Variants in IPP observed in about 807,000 individuals in gnomAD.
IPP encodes the protein actin-binding protein IPP.
Under a neutral mutation model 64.1 loss-of-function variants are expected in IPP, and 41 were observed. The ratio of observed to expected loss-of-function variants is 0.64; its 90% CI spans 0.50 to 0.83. The LOEUF is 0.83. Among genes scored for constraint, IPP ranks in the 40% least tolerant of loss-of-function variants. The probability of loss-of-function intolerance (pLI) is 0.00; values close to 1 mark genes in which losing one functional copy is unlikely to be tolerated. For synonymous variants in IPP, 214 were observed against 235.2 expected, an observed-to-expected ratio of 0.91 and a Z score of 0.83; for missense variants, 649 against 703.0, an observed-to-expected ratio of 0.92 and a Z score of 0.87.
At chr1:45,723,882 T>C (rs28378621) in intron 5 of IPP, among the ~76,000 whole-genome samples, 80,059 of 150,964 alleles carry the variant, frequency 0.53, 21,357 homozygotes, top group Middle Eastern at 0.6. Flanking sequence ...TATATACAGT[T>C]TGGGTGCCAT....
At position 45,741,011 on chromosome 1, in the gene IPP, A is replaced by G. The variant is rs1646056486; in HGVS notation, c.614T>C (p.Met205Thr). ...EDEYQVFLAA[M>T]QWILKDLGKR... ...TCCCAAATCTTTCAGAATCCATTGC[A>G]TTGCAGCTAAGAAGACCTGGTATTC... Residue 205 changes from methionine (M) to threonine (T), a missense_variant, in exon 3 of 9, where the codon ATG becomes ACG. Coordinates refer to ENST00000396478, the MANE Select transcript of IPP (RefSeq NM_005897.3). 6.2e-6 allele frequency: 10 copies of G among 1,613,992 alleles called. No homozygotes were observed. The highest frequency in any genetic ancestry group is 1.7e-4 in the Middle Eastern group (1 of 6,060).
chr1:45,727,147 T>G (rs1645840079), intron 5 of IPP, among the ~76,000 whole-genome samples: 2 of 152,112 alleles, frequency 1.3e-5, no homozygotes, highest in Non-Finnish European at 1.5e-5. Flanking sequence ...CCTCCTGGGC[T>G]CAAGCAATCT....
chr1:45,748,665 G>A (rs1019889900), intron 1 of IPP, among the ~76,000 whole-genome samples: 4 of 151,928 alleles, frequency 2.6e-5, no homozygotes, highest in Admixed American at 2.0e-4. Context: ...GAGCAAGACC[G>A]TGTCTCAACA....
downstream of IPP, among the ~76,000 whole-genome samples, chr1:45,695,321 T>C (rs1645377668): frequency 6.6e-6 from 1 of 152,138 alleles, no homozygotes; most frequent in Non-Finnish European, 1.5e-5. Flanking sequence ...TGCACCACTA[T>C]GCCAAGCTAA....
At chr1:45,713,774 G>A (rs1228423038) in intron 8 of IPP, among the ~76,000 whole-genome samples, 11 of 152,090 alleles carry the variant, frequency 7.2e-5, no homozygotes, top group Non-Finnish European at 1.6e-4. Context: ...GTTCACGCTG[G>A]TCTTGAACTC....
rs1254351444 is a variant in IPP, at chr1:45,726,180, C to T, written c.1048+1451G>A. Reference sequence around the variant, plus strand: ...ATCTCTAAAAAAAAAAAAAAATGGCCGGGCATGGTGGCTCATGTCTGTAAT... The same window carrying T: ...ATCTCTAAAAAAAAAAAAAAATGGCTGGGCATGGTGGCTCATGTCTGTAAT... On this transcript the variant is annotated intron_variant, in intron 5 of 8. Transcript: ENST00000396478. 5.0e-4 allele frequency among the ~76,000 whole-genome samples: 75 copies of T among 149,902 alleles called. 3 individuals carry two copies. In the South Asian group the frequency reaches 0.015, roughly 29 times the overall value.
intron 3 of IPP, among the ~76,000 whole-genome samples, chr1:45,739,046 T>A (rs527417661): frequency 6.6e-6 from 1 of 152,216 alleles, no homozygotes; most frequent in East Asian, 1.9e-4. Context: ...CAACTATATC[T>A]GTAGTAAAAC....
At chr1:45,733,689 G>A (rs940222511) in intron 3 of IPP, among the ~76,000 whole-genome samples, 1 of 151,740 alleles carries the variant, frequency 6.6e-6, no homozygotes, top group Non-Finnish European at 1.5e-5. Context: ...AAAATTAGTC[G>A]GGTGTGGCGG....
intron 3 of IPP, among the ~76,000 whole-genome samples, chr1:45,733,660 C>T (rs181926962): frequency 6.6e-6 from 1 of 151,796 alleles, no homozygotes; most frequent in Admixed American, 6.6e-5. Context: ...GGCGAAACCC[C>T]GTCTCTACTA....
rs367755391 is a variant in IPP, at chr1:45,737,042, C to CAA, written c.724+3857_724+3858dup. ...TGGGCGACAGAGCGAGACTCCATCT[C>CAA]AAAAAAAAAAAAAAAAAAGAAAAAG... On this transcript the variant is annotated intron_variant, in intron 3 of 8. Coordinates refer to ENST00000396478, the MANE Select transcript of IPP (RefSeq NM_005897.3). Among the ~76,000 whole-genome samples, 455 of 111,546 alleles carry CAA rather than the reference C, an allele frequency of 4.1e-3. 9 individuals are homozygous for CAA. Among genetic ancestry groups the CAA allele is most frequent in the East Asian group, 0.019 (74 of 3,938 alleles). The allele number at this position is 111,546 out of a possible 152,430, so 73.2% of individuals were successfully genotyped here.
chr1:45,703,473 G>T (rs1436070378), intron 8 of IPP, among the ~76,000 whole-genome samples: 2 of 150,536 alleles, frequency 1.3e-5, no homozygotes, highest in Non-Finnish European at 3.0e-5. Flanking sequence ...CTCAAAATTT[G>T]TTCCCTGAAA....
chr1:45,741,356 G>A (rs1287161120), intron 2 of IPP, 24 bp from the exon 3 acceptor site: 1 of 1,489,328 alleles, frequency 6.7e-7, no homozygotes, highest in Non-Finnish European at 9.1e-7. Context: ...AAGACAAAAT[G>A]GCCAATAAAA....
intron 2 of IPP, 77 bp downstream of exon 2, chr1:45,746,043 A>G: frequency 8.0e-6 from 10 of 1,251,032 alleles, no homozygotes; most frequent in Non-Finnish European, 1.1e-5. Flanking sequence ...GATAAGTTAG[A>G]TCAATTTATA....
At chr1:45,743,157 C>T (rs1451408506) in intron 2 of IPP, among the ~76,000 whole-genome samples, 3 of 151,524 alleles carry the variant, frequency 2.0e-5, no homozygotes, top group Non-Finnish European at 4.4e-5. Flanking sequence ...AGGCTGGTCT[C>T]GAACTCCTGG....
intron 7 of IPP, 84 bp downstream of exon 7, chr1:45,716,811 T>C (rs1373253535): frequency 1.7e-6 from 2 of 1,207,272 alleles, no homozygotes; most frequent in Non-Finnish European, 1.2e-6. Flanking sequence ...AGACTTAAAA[T>C]ATACTTTTGT....
chr1:45,724,887 TGG>T (rs1165662776), intron 5 of IPP, among the ~76,000 whole-genome samples: 1 of 127,124 alleles, frequency 7.9e-6, no homozygotes, highest in African/African-American at 3.0e-5. Flanking sequence ...GGGAGGGAGG[TGG>T]GGGGGGTCAG....
In IPP at chr1:45,727,791, A is replaced by C; in HGVS notation, c.888T>G (p.Tyr296Ter). The C allele has an allele frequency of 6.5e-7, 1 of 1,539,424 alleles. No individual in the cohort carries two copies. The part of the protein sequence containing the change: ...ARKYLYAVGG[Y>*]TRLQGGRWSD... ...TCCAGCGACCCCCCTGCAACCGAGT[A>C]TATCCACCTAAACAAAAGAAGAAAA... Residue 296 changes from tyrosine to a stop codon, truncating the protein, a stop_gained, in exon 5 of 9, where the codon TAT becomes TAG. Transcript: ENST00000396478. LOFTEE classifies it high-confidence loss of function.
chr1:45,699,526 AC>A lies in IPP; in HGVS notation c.*439del. On this transcript the variant is annotated 3_prime_UTR_variant, in exon 9 of 9. Coordinates refer to ENST00000396478, the MANE Select transcript of IPP (RefSeq NM_005897.3). The stretch of plus-strand genomic sequence containing the variant: ...AATTTGTAAAATAGGAGTTGTCTAC[AC>A]TTAAACTGGAGAATTCTACAGCATA... 1.0e-6 allele frequency: 1 copy of A among 989,534 alleles called. No homozygotes were observed. The highest frequency in any genetic ancestry group is 1.2e-6 in the Non-Finnish European group (1 of 832,272). 61.3% of individuals were successfully genotyped at this position (989,534 alleles called of 1,614,324 possible).
chr1:45,739,824 CTTTT>C (rs552340899), intron 3 of IPP, among the ~76,000 whole-genome samples: 2 of 127,974 alleles, frequency 1.6e-5, no homozygotes, highest in African/African-American at 5.9e-5. Context: ...AAGAGGAAAT[CTTTT>C]TTTTTTTTTT....
Sources: gnomAD v4.1 joint callset for allele counts (sites outside exome capture counted in the v4.1 genomes callset) on GRCh38, gnomAD v4.1.1 for gene constraint, MANE v1.5 for transcripts, NCBI Gene and HGNC (gene_info 2026-07-23, HGNC 2026-07-21) for gene names.